The following MAPK3 variants were observed in gnomAD, a reference collection of about 807,000 sequenced individuals.
MAPK3 encodes the protein mitogen-activated protein kinase 3.
MAPK3 carries 30 observed loss-of-function variants against 41.8 expected under a neutral mutation model. That is an observed-to-expected ratio of 0.72 (90% CI 0.54 to 0.97). The LOEUF is 0.97. Ranked by LOEUF, MAPK3 falls within the 50% of genes least tolerant of loss-of-function variation. The probability of loss-of-function intolerance (pLI) is 0.00; values close to 1 mark genes in which losing one functional copy is unlikely to be tolerated. For synonymous variants in MAPK3, 222 were observed against 213.4 expected, an observed-to-expected ratio of 1.04 and a Z score of -0.35; for missense variants, 413 against 509.9, an observed-to-expected ratio of 0.81 and a Z score of 1.83.
intron 3 of MAPK3, 70 bp from the exon 4 acceptor site, chr16:30,118,233 T>G (rs1387298896): frequency 1.3e-6 from 2 of 1,572,570 alleles, no homozygotes; most frequent in East Asian, 4.5e-5. Flanking sequence ...CGCCCCCTTG[T>G]CTTTGCCTCC....
chr16:30,119,156 T>TTA (rs549358041), intron 2 of MAPK3, among the ~76,000 whole-genome samples: 1 of 136,192 alleles, frequency 7.3e-6, no homozygotes, highest in Admixed American at 7.3e-5. Flanking sequence ...ATAAATAAAT[T>TTA]AAAAAAAAAA....
Position 30,114,523 on chromosome 16 carries a change from C to T in MAPK3, c.*218G>A, listed in dbSNP as rs1489278215. On this transcript the variant is annotated 3_prime_UTR_variant, in exon 9 of 9. Coordinates refer to ENST00000263025, the MANE Select transcript of MAPK3 (RefSeq NM_002746.3). The stretch of plus-strand genomic sequence containing the variant: ...ATTGAACTGGGGCCACCTGAGGTCC[C>T]GAGGCCCCGTGGGGAGGGCGGGTGG... The T allele has an allele frequency of 7.5e-6, 1 of 132,758 alleles. No homozygotes were observed. The highest frequency in any genetic ancestry group is 1.6e-5 in the Non-Finnish European group (1 of 62,150). 8.2% of individuals were successfully genotyped at this position (132,758 alleles called of 1,614,324 possible). A position where few individuals can be genotyped will look rare whatever the true frequency, so the allele number is the denominator to read the frequency against.
At chr16:30,119,005 G>A (rs541475671) in intron 2 of MAPK3, among the ~76,000 whole-genome samples, 15 of 152,060 alleles carry the variant, frequency 9.9e-5, no homozygotes, top group Non-Finnish European at 1.6e-4. Context: ...AACTGGGCAC[G>A]GCGGCATGTG....
In MAPK3 at chr16:30,121,971, G is replaced by T. The variant is rs768729666; in HGVS notation, c.206C>A (p.Ala69Asp). The T allele has an allele frequency of 5.6e-6, 9 of 1,614,036 alleles. No homozygotes were observed. The highest frequency in any genetic ancestry group is 1.3e-5 in the African/African-American group (1 of 74,930). Residue 69 changes from alanine to aspartate, a missense_variant, in exon 2 of 9, where the codon GCC becomes GAC. Coordinates refer to ENST00000263025, the MANE Select transcript of MAPK3 (RefSeq NM_002746.3). ...TTCGAAGGGGCTGATCTTCTTGATG[G>T]CCACGCGAGTCTTGCGCACGTGGTC... is the stretch of plus-strand genomic sequence containing the variant. ...AYDHVRKTRV[A>D]IKKISPFEHQ... is the part of the protein sequence containing the mutation.
rs1228623150 is a variant in MAPK3 at position 30,114,534 on chromosome 16, G to T, written c.*207C>A. 2 of 152,982 alleles carry T rather than the reference G, an allele frequency of 1.3e-5. No individual in the cohort carries two copies. Among genetic ancestry groups the T allele is most frequent in the Admixed American group, 1.3e-4 (2 of 15,298 alleles). The allele number at this position is 152,982 out of a possible 1,614,324, so 9.5% of individuals were successfully genotyped here. On this transcript the variant is annotated 3_prime_UTR_variant, in exon 9 of 9. Coordinates refer to ENST00000263025, the MANE Select transcript of MAPK3 (RefSeq NM_002746.3). ...GCCACCTGAGGTCCCGAGGCCCCGT[G>T]GGGAGGGCGGGTGGGGAGGAGAAGG...
Position 30,123,055 on chromosome 16 carries a change from GCGCCC to G in MAPK3, c.150_154del (p.Glu50AspfsTer10). 1 of 1,507,638 alleles carries G rather than the reference GCGCCC, an allele frequency of 6.6e-7. No homozygotes were observed. The highest frequency in any genetic ancestry group is 8.9e-7 in the Non-Finnish European group (1 of 1,128,592). 93.4% of individuals were successfully genotyped at this position (1,507,638 alleles called of 1,614,324 possible). ...GCCCCCTCACCTGACCATGCCGTACGCGCCCTCGCCGATGTACTGCAACTGCGTGT... is the reference window on the plus strand; with the variant it reads ...GCCCCCTCACCTGACCATGCCGTACGTCGCCGATGTACTGCAACTGCGTGT... On this transcript the variant is annotated frameshift_variant, in exon 1 of 9. Coordinates refer to ENST00000263025, the MANE Select transcript of MAPK3 (RefSeq NM_002746.3). LOFTEE classifies it high-confidence loss of function.
At chr16:30,119,474 G>C (rs1489795167) in intron 2 of MAPK3, among the ~76,000 whole-genome samples, 2 of 152,158 alleles carry the variant, frequency 1.3e-5, no homozygotes, top group African/African-American at 4.8e-5. Context: ...TGGTTGTGAA[G>C]ACTAGATGAG....
chr16:30,116,583 G>A (rs2072955643), intron 8 of MAPK3, 53 bp downstream of exon 8: 2 of 1,536,834 alleles, frequency 1.3e-6, no homozygotes, highest in South Asian at 1.2e-5. Flanking sequence ...TAGATATACA[G>A]ATATAGATAT....
Position 30,123,026 on chromosome 16 carries a change from GA to G in MAPK3, c.170+13del, listed in dbSNP as rs2073033066. ...TCCCCTGAGGGCACCCCCTCCCCCGGAACGCCCCCTCACCTGACCATGCCGT... is the reference window on the plus strand; with the variant it reads ...TCCCCTGAGGGCACCCCCTCCCCCGGACGCCCCCTCACCTGACCATGCCGT... On this transcript the variant is annotated intron_variant, in intron 1 of 8. Coordinates refer to ENST00000263025, the MANE Select transcript of MAPK3 (RefSeq NM_002746.3). The G allele has an allele frequency of 3.4e-6, 5 of 1,463,572 alleles. No homozygotes were observed. The highest frequency in any genetic ancestry group is 4.5e-6 in the Non-Finnish European group (5 of 1,104,496). 90.7% of individuals were successfully genotyped at this position (1,463,572 alleles called of 1,614,324 possible).
intron 3 of MAPK3, 28 bp from the exon 4 acceptor site, chr16:30,118,191 G>A (rs1009543987): frequency 1.4e-5 from 23 of 1,603,246 alleles, no homozygotes; most frequent in Admixed American, 3.3e-5. Context: ...TGCTAAGCTC[G>A]GCGCTCAAGG....
At position 30,118,349 on chromosome 16, in the gene MAPK3, C is replaced by T; in HGVS notation, c.543G>A (p.Lys181=). The part of the protein sequence containing the change: ...NLLINTTCDL[K]ICDFGLARIA... ...GGGGACAGGTGCCCAACCCTCTGAC[C>T]TTAAGGTCGCAGGTGGTGTTGATGA... Residue 181 remains lysine, a splice_region_variant and synonymous_variant, in exon 3 of 9, where the codon AAG becomes AAA. Coordinates refer to ENST00000263025, the MANE Select transcript of MAPK3 (RefSeq NM_002746.3). 1 of 1,610,344 alleles carries T rather than the reference C, an allele frequency of 6.2e-7. No homozygotes were observed. The highest frequency in any genetic ancestry group is 8.5e-7 in the Non-Finnish European group (1 of 1,177,756).
rs745793573 is a variant in MAPK3 at position 30,117,721 on chromosome 16, G to A, written c.724C>T (p.Arg242Trp). Residue 242 changes from arginine to tryptophan, a missense_variant, in exon 5 of 9, where the codon CGG (arginine) becomes TGG (tryptophan). Arg to Trp is a moderately radical substitution (Grantham distance 101, BLOSUM62 -3). This residue lies in a region of MAPK3 where 140 missense variants were observed against 206.0 expected (regional missense o/e 0.68). Coordinates refer to ENST00000263025, the MANE Select transcript of MAPK3 (RefSeq NM_002746.3). ...TAGTGCTTGCCAGGGAAGATGGGCCGGTTAGAGAGCATCTCAGCCAGAATG... is the reference window on the plus strand; with the variant it reads ...TAGTGCTTGCCAGGGAAGATGGGCCAGTTAGAGAGCATCTCAGCCAGAATG... Reference protein sequence around the residue: ...GCILAEMLSNRPIFPGKHYLD... With the variant: ...GCILAEMLSNWPIFPGKHYLD... The A allele has an allele frequency of 1.1e-5, 18 of 1,614,086 alleles. No homozygotes were observed. Among genetic ancestry groups the A allele is most frequent in the South Asian group, 4.4e-5 (4 of 91,084 alleles).
In MAPK3 at chr16:30,116,662, T is replaced by C. The variant is rs769291652; in HGVS notation, c.*6A>G. 2.5e-6 allele frequency: 4 copies of C among 1,612,878 alleles called. No individual in the cohort carries two copies. The East Asian group carries it at 6.7e-5, about 27-fold the overall frequency. On this transcript the variant is annotated 3_prime_UTR_variant, in exon 8 of 9. Transcript: ENST00000263025. Reference sequence around the variant, plus strand: ...AGGCCCCAGGGTGCAGAGATGTCTGTCTGGGCTAGGGGGCCTCCAGCACTC... The same window carrying C: ...AGGCCCCAGGGTGCAGAGATGTCTGCCTGGGCTAGGGGGCCTCCAGCACTC...
intron 1 of MAPK3, 133 bp from the exon 2 acceptor site, chr16:30,122,139 T>G: frequency 2.4e-6 from 2 of 820,812 alleles, no homozygotes; most frequent in Non-Finnish European, 2.0e-6. Context: ...ACAATGCTGG[T>G]TCCTTCCTGC....
rs373009055 is a variant in MAPK3 at position 30,118,566 on chromosome 16, G to C, written c.354-28C>G. ...GAGGATGGTTCCGCAGACCCCCCCAGGCAGGGGGCAGTGGGAGGCACTTGG... is the reference window on the plus strand; with the variant it reads ...GAGGATGGTTCCGCAGACCCCCCCACGCAGGGGGCAGTGGGAGGCACTTGG... On this transcript the variant is annotated intron_variant, in intron 2 of 8. Transcript: ENST00000263025. 1.0e-5 allele frequency: 16 copies of C among 1,591,318 alleles called. No homozygotes were observed. In the African/African-American group the frequency reaches 2.1e-4, roughly 21 times the overall value.
At chr16:30,120,558 G>A (rs1329350270) in intron 2 of MAPK3, among the ~76,000 whole-genome samples, 6 of 152,156 alleles carry the variant, frequency 3.9e-5, no homozygotes, top group African/African-American at 9.7e-5. Flanking sequence ...GTCCACAGGT[G>A]ATTAGGGTGT....
At chr16:30,116,534 T>A in intron 8 of MAPK3, 102 bp downstream of exon 8, 1 of 1,298,774 alleles carries the variant, frequency 7.7e-7, no homozygotes, top group South Asian at 1.4e-5. Context: ...TGGGGTAAGC[T>A]TGCTGCTGTA....
intron 2 of MAPK3, among the ~76,000 whole-genome samples, chr16:30,120,703 T>G (rs1596882291): frequency 8.4e-6 from 1 of 119,180 alleles, no homozygotes; most frequent in African/African-American, 3.1e-5. Flanking sequence ...TTTTTTTTTT[T>G]GACAGGGTCA....
At position 30,117,170 on chromosome 16, in the gene MAPK3, G is replaced by A. The variant is rs1448122531; in HGVS notation, c.891C>T (p.Pro297=). 1 of 1,613,950 alleles carries A rather than the reference G, an allele frequency of 6.2e-7. No individual in the cohort carries two copies. Residue 297 remains proline, a synonymous_variant, in exon 6 of 9, where the codon CCC becomes CCT. Transcript: ENST00000263025. The part of the protein sequence containing the change: ...KTKVAWAKLF[P]KSDSKALDLL... ...CTCTCGAACCTTTGGAGTCTGACTTGGGGAAAAGCTTGGCCCAAGCCACCT... is the reference window on the plus strand; with the variant it reads ...CTCTCGAACCTTTGGAGTCTGACTTAGGGAAAAGCTTGGCCCAAGCCACCT...
Sources: allele counts gnomAD v4.1 joint callset (sites outside exome capture counted in the v4.1 genomes callset), GRCh38; gene constraint gnomAD v4.1.1; regional missense constraint gnomAD v4.1.1; transcripts MANE v1.5; gene names NCBI Gene and HGNC (gene_info 2026-07-23, HGNC 2026-07-21).